Variants in ADGRL2 observed in about 807,000 individuals in gnomAD.
ADGRL2 encodes adhesion G protein-coupled receptor L2, also known as calcium-independent alpha-latrotoxin receptor 2.
In ADGRL2, 44 loss-of-function variants were observed where a neutral mutation model predicts 157.4. The ratio of observed to expected loss-of-function variants is 0.28; its 90% CI spans 0.22 to 0.36. ADGRL2 has a LOEUF of 0.36. Among genes scored for constraint, ADGRL2 ranks in the 10% least tolerant of loss-of-function variants. The pLI, the probability that ADGRL2 is intolerant of heterozygous loss-of-function variation, is 1.00. For synonymous variants in ADGRL2, 585 were observed against 624.7 expected (o/e 0.94, Z 0.95); for missense variants, 1,510 against 1,768.9 (o/e 0.85, Z 2.63).
At chr1:81,963,488 C>T (rs1475914076) in intron 11 of ADGRL2, among the ~76,000 whole-genome samples, 2 of 151,874 alleles carry the variant, frequency 1.3e-5, no homozygotes, top group African/African-American at 4.8e-5. Context: ...GAGTTTTTCA[C>T]TATTGTTTGC....
At chr1:81,851,805 G>A (rs1453239895) in intron 2 of ADGRL2, among the ~76,000 whole-genome samples, 4 of 149,474 alleles carry the variant, frequency 2.7e-5, no homozygotes, top group Admixed American at 6.7e-5. Flanking sequence ...TATTTTCCAC[G>A]TACGTTTGCA....
At chr1:81,642,839 G>T (rs563992706) in intron 3 of ADGRL2, among the ~76,000 whole-genome samples, 1 of 152,074 alleles carries the variant, frequency 6.6e-6, no homozygotes. Context: ...TCCCATGATC[G>T]TGTCAATAGA....
In ADGRL2 at chr1:81,706,448, C is replaced by T. The variant is rs770431957; in HGVS notation, c.-143+6640C>T. 3.9e-5 allele frequency among the ~76,000 whole-genome samples: 6 copies of T among 151,974 alleles called. No individual in the cohort carries two copies. The East Asian group carries it at 5.8e-4, about 15-fold the overall frequency. On this transcript the variant is annotated intron_variant, in intron 1 of 20. Transcript: ENST00000359929. The stretch of plus-strand genomic sequence containing the variant: ...GGGAAGATATCGAATCCAATTTGGA[C>T]GTAATGAGTGTTTTAGGTGCCAGAG...
In ADGRL2 at chr1:81,705,820, C is replaced by T. The variant is rs112206953; in HGVS notation, c.-143+6012C>T. 6.6e-3 allele frequency among the ~76,000 whole-genome samples: 1,005 copies of T among 152,158 alleles called. 15 individuals are homozygous for T. Among genetic ancestry groups the T allele is most frequent in the African/African-American group, 0.023 (965 of 41,540 alleles). On this transcript the variant is annotated intron_variant, in intron 1 of 20. Coordinates refer to the ADGRL2 transcript ENST00000359929. ...ATTCAGGAGGCTGAAGCAGGAGGATCGCTTGAGCCCAGGAGTTCGAGATTG... is the reference window on the plus strand; with the variant it reads ...ATTCAGGAGGCTGAAGCAGGAGGATTGCTTGAGCCCAGGAGTTCGAGATTG...
intron 5 of ADGRL2, among the ~76,000 whole-genome samples, 172 bp downstream of exon 5, chr1:81,942,217 C>T (rs1291836341): frequency 6.6e-6 from 1 of 151,790 alleles, no homozygotes; most frequent in African/African-American, 2.4e-5. Context: ...GACTGCTAAA[C>T]CTGGTGATGG....
intron 1 of ADGRL2, among the ~76,000 whole-genome samples, chr1:81,713,182 C>T (rs1294548271): frequency 6.6e-6 from 1 of 152,158 alleles, no homozygotes; most frequent in South Asian, 2.1e-4. Context: ...GACCTAGGAT[C>T]TTCCTGGAGC....
chr1:81,879,518 A>G (rs1476045155), intron 2 of ADGRL2, among the ~76,000 whole-genome samples: 1 of 151,794 alleles, frequency 6.6e-6, no homozygotes, highest in Non-Finnish European at 1.5e-5. Context: ...CAGAATTTAA[A>G]AAAAAAAAAA....
chr1:81,683,751 C>T (rs760176830), intron 3 of ADGRL2, among the ~76,000 whole-genome samples: 5 of 151,962 alleles, frequency 3.3e-5, no homozygotes, highest in Admixed American at 6.6e-5. Context: ...GTTGGTTCCA[C>T]GTTTTGCAAT....
intron 2 of ADGRL2, among the ~76,000 whole-genome samples, chr1:81,521,924 G>T (rs1175597548): frequency 1.3e-5 from 2 of 151,696 alleles, no homozygotes; most frequent in Non-Finnish European, 2.9e-5. Flanking sequence ...ATCGTCATTG[G>T]CATTCAAATG....
chr1:81,813,347 C>A (rs56112387), intron 1 of ADGRL2, among the ~76,000 whole-genome samples: 1 of 151,556 alleles, frequency 6.6e-6, no homozygotes, highest in African/African-American at 2.4e-5. Context: ...TAAAAAGCTT[C>A]GTTTCTTAAT....
intron 19 of ADGRL2, 101 bp from the exon 20 acceptor site, chr1:81,984,482 G>T: frequency 2.4e-6 from 3 of 1,224,884 alleles, no homozygotes; most frequent in East Asian, 2.5e-5. Context: ...AGTTTTAGTG[G>T]AACTTTAATT....
rs57360565 is a variant in ADGRL2, at chr1:81,501,811, A to AGCAGCAGCAGCAGCAGCAG, written c.-248+56722_-248+56723insGCAGCAGCAGCAGCAGCAG. ...AGCAGCAGCAGCAGCAGCAGCAGCA[A>AGCAGCAGCAGCAGCAGCAG]CAGCAGCAGCAACAGAAGCAGCCAC... On this transcript the variant is annotated intron_variant, in intron 2 of 24. Coordinates refer to the ADGRL2 transcript ENST00000370721. The AGCAGCAGCAGCAGCAGCAG allele has an allele frequency of 1.4e-4, 217 of 1,558,472 alleles. 1 individual carries two copies. The South Asian group carries it at 2.0e-3, about 15-fold the overall frequency.
chr1:81,454,771 C>T (rs927337648), intron 2 of ADGRL2, among the ~76,000 whole-genome samples: 1 of 152,146 alleles, frequency 6.6e-6, no homozygotes, highest in Admixed American at 6.5e-5. Flanking sequence ...TGGAATGCTC[C>T]TTCCTTTTCT....
intron 1 of ADGRL2, among the ~76,000 whole-genome samples, chr1:81,700,206 CT>C (rs1473594083): frequency 6.6e-6 from 1 of 152,158 alleles, no homozygotes; most frequent in Non-Finnish European, 1.5e-5. Flanking sequence ...CTGAAGATGT[CT>C]TTTCAAAAGA....
intron 2 of ADGRL2, among the ~76,000 whole-genome samples, chr1:81,522,832 T>C (rs2148178828): frequency 6.6e-6 from 1 of 152,330 alleles, no homozygotes; most frequent in South Asian, 2.1e-4. Context: ...TCCAATAAAT[T>C]GAGTATACAA....
intron 3 of ADGRL2, among the ~76,000 whole-genome samples, chr1:81,606,844 T>C (rs900802443): frequency 5.9e-5 from 9 of 152,146 alleles, no homozygotes; most frequent in Non-Finnish European, 1.3e-4. Context: ...GGCTTTCATA[T>C]AAGTACTTGA....
chr1:81,661,033 A>C (rs1253875500), intron 3 of ADGRL2, among the ~76,000 whole-genome samples: 1 of 152,132 alleles, frequency 6.6e-6, no homozygotes. Flanking sequence ...TTTATTAACA[A>C]ATTTTTCTTT....
intron 3 of ADGRL2, among the ~76,000 whole-genome samples, chr1:81,636,392 A>T (rs956250): frequency 0.13 from 19,249 of 152,112 alleles, 1,672 homozygotes; most frequent in Non-Finnish European, 0.18. Context: ...ATGGAGTAAC[A>T]TGGGAGATTC....
At chr1:81,832,076 G>T (rs2091979180) in intron 1 of ADGRL2, among the ~76,000 whole-genome samples, 1 of 152,050 alleles carries the variant, frequency 6.6e-6, no homozygotes, top group Admixed American at 6.5e-5. Context: ...CCCAATTTGA[G>T]GTAAATAAAA....
Sources: allele counts gnomAD v4.1 joint callset (sites outside exome capture counted in the v4.1 genomes callset), GRCh38; gene constraint gnomAD v4.1.1; transcripts MANE v1.5; gene names NCBI Gene and HGNC (gene_info 2026-07-23, HGNC 2026-07-21).